KCNH8: variants seen among roughly 807,000 people sequenced by gnomAD.
KCNH8 encodes voltage-gated delayed rectifier potassium channel KCNH8.
KCNH8 carries 70 observed loss-of-function variants against 103.6 expected under a neutral mutation model. The observed-to-expected ratio is 0.68, with a 90% CI of 0.56 to 0.82. The LOEUF is 0.82. Among genes scored for constraint, KCNH8 ranks in the 40% least tolerant of loss-of-function variants. The pLI is 0.00. For missense variants in KCNH8, 1,217 were observed against 1,329.9 expected (o/e 0.92, Z 1.32); for synonymous variants, 498 against 489.4 (o/e 1.02, Z -0.23).
At chr3:19,322,645 T>G (rs991294669) in intron 3 of KCNH8, among the ~76,000 whole-genome samples, 1 of 152,226 alleles carries the variant, frequency 6.6e-6, no homozygotes, top group African/African-American at 2.4e-5. Context: ...TGTCTTGACT[T>G]TAGATAACTT....
chr3:19,299,488 CA>C (rs1239717731), intron 3 of KCNH8, among the ~76,000 whole-genome samples: 1 of 152,010 alleles, frequency 6.6e-6, no homozygotes, highest in African/African-American at 2.4e-5. Flanking sequence ...ACAACAGCAA[CA>C]AAAAGTGTCT....
intron 7 of KCNH8, among the ~76,000 whole-genome samples, chr3:19,430,370 C>G (rs1375547071): frequency 1.3e-5 from 2 of 151,868 alleles, no homozygotes; most frequent in Non-Finnish European, 2.9e-5. Flanking sequence ...GTTACTGTAG[C>G]CTGGTAGTAT....
intron 7 of KCNH8, among the ~76,000 whole-genome samples, chr3:19,428,341 CG>C (rs1161873351): frequency 6.6e-6 from 1 of 152,124 alleles, no homozygotes; most frequent in African/African-American, 2.4e-5. Context: ...TTAATGACTT[CG>C]GTACCTCATA....
chr3:19,420,413 A>T (rs1266657473), intron 7 of KCNH8, among the ~76,000 whole-genome samples: 2 of 152,166 alleles, frequency 1.3e-5, no homozygotes, highest in Non-Finnish European at 2.9e-5. Flanking sequence ...CCTGAAATGG[A>T]ATTCTGTCAA....
rs374203076 is a variant in KCNH8 at position 19,157,587 on chromosome 3, A to G, written c.76+8792A>G. Among the ~76,000 whole-genome samples, 4 of 152,192 alleles carry G rather than the reference A, an allele frequency of 2.6e-5. No homozygotes were observed. In the East Asian group the frequency reaches 5.8e-4, roughly 22 times the overall value. ...AAAGTTATAAAATTATTTGGTAGAT[A>G]TTAATAATGGCTAATATTTGTATAG... On this transcript the variant is annotated intron_variant, in intron 1 of 15. Transcript: ENST00000328405.
chr3:19,175,649 A>G (rs1316300391), intron 1 of KCNH8, among the ~76,000 whole-genome samples: 3 of 152,072 alleles, frequency 2.0e-5, no homozygotes, highest in Non-Finnish European at 2.9e-5. Flanking sequence ...TTTCCTATAA[A>G]CTCTACAAAG....
intron 1 of KCNH8, among the ~76,000 whole-genome samples, chr3:19,220,583 G>A (rs2063863803): frequency 6.8e-6 from 1 of 146,680 alleles, no homozygotes; most frequent in Non-Finnish European, 1.5e-5. Flanking sequence ...TGGGAAACAT[G>A]ACACTGATTT....
intron 3 of KCNH8, among the ~76,000 whole-genome samples, chr3:19,282,147 T>A (rs889976246): frequency 3.9e-5 from 6 of 152,138 alleles, no homozygotes; most frequent in East Asian, 1.9e-4. Flanking sequence ...AGCTCTTTTT[T>A]AAAATGTGTG....
At chr3:19,496,268 G>C (rs1357423166) in intron 11 of KCNH8, among the ~76,000 whole-genome samples, 2 of 152,106 alleles carry the variant, frequency 1.3e-5, no homozygotes, top group Non-Finnish European at 2.9e-5. Flanking sequence ...TCCCTGTCTT[G>C]CTCTGGTTTT....
chr3:19,476,126 G>A (rs1291018996), intron 11 of KCNH8, among the ~76,000 whole-genome samples: 1 of 152,140 alleles, frequency 6.6e-6, no homozygotes, highest in East Asian at 1.9e-4. Context: ...TAGTCATGTG[G>A]AGGATGCATA....
intron 15 of KCNH8, among the ~76,000 whole-genome samples, chr3:19,523,120 G>A (rs1449431388): frequency 6.6e-6 from 1 of 151,736 alleles, no homozygotes; most frequent in East Asian, 1.9e-4. Flanking sequence ...ATCAACTTGG[G>A]CTCTAGCATT....
At chr3:19,513,879 T>C (rs961592334) in intron 13 of KCNH8, among the ~76,000 whole-genome samples, 7 of 152,178 alleles carry the variant, frequency 4.6e-5, no homozygotes, top group Admixed American at 3.3e-4. Flanking sequence ...CTAAAGGTGA[T>C]TGAAAGCGTG....
chr3:19,369,054 G>A (rs1468425212), intron 5 of KCNH8, among the ~76,000 whole-genome samples: 1 of 151,756 alleles, frequency 6.6e-6, no homozygotes, highest in Non-Finnish European at 1.5e-5. Flanking sequence ...CTTAGTTTAT[G>A]GATACAGAAA....
intron 3 of KCNH8, among the ~76,000 whole-genome samples, chr3:19,290,110 T>G (rs1177015620): frequency 6.6e-6 from 1 of 152,174 alleles, no homozygotes; most frequent in African/African-American, 2.4e-5. Flanking sequence ...TCCTGAGACT[T>G]TGCTGAAGTT....
At chr3:19,375,196 G>T (rs528988057) in intron 5 of KCNH8, among the ~76,000 whole-genome samples, 1 of 151,464 alleles carries the variant, frequency 6.6e-6, no homozygotes, top group Non-Finnish European at 1.5e-5. Context: ...TATCCTGCAG[G>T]GTGTTTTCCA....
At chr3:19,241,444 G>A (rs189577611) in intron 1 of KCNH8, among the ~76,000 whole-genome samples, 3 of 152,148 alleles carry the variant, frequency 2.0e-5, no homozygotes, top group Admixed American at 2.0e-4. Flanking sequence ...TACCTCATGT[G>A]TAGACTAGTG....
intron 7 of KCNH8, among the ~76,000 whole-genome samples, chr3:19,427,969 T>C (rs760946490): frequency 2.6e-5 from 4 of 152,166 alleles, no homozygotes; most frequent in Non-Finnish European, 4.4e-5. Context: ...CAGAAGTTCA[T>C]TAATATCAAA....
intron 1 of KCNH8, among the ~76,000 whole-genome samples, chr3:19,206,159 G>GGTGTGTGTGTGTGTGTGT (rs546354220): frequency 1.4e-5 from 2 of 138,392 alleles, no homozygotes; most frequent in African/African-American, 6.2e-5. Context: ...ATATATTAAT[G>GGTGTGTGTGTGTGTGTGT]GTGTGTGTGT....
chr3:19,369,300 G>C (rs2066054916), intron 5 of KCNH8, among the ~76,000 whole-genome samples: 1 of 151,710 alleles, frequency 6.6e-6, no homozygotes, highest in Admixed American at 6.6e-5. Flanking sequence ...TTTGATACTG[G>C]TGACCCCTCC....
Sources: allele counts gnomAD v4.1 joint callset (sites outside exome capture counted in the v4.1 genomes callset), GRCh38; gene constraint gnomAD v4.1.1; transcripts MANE v1.5; gene names NCBI Gene and HGNC (gene_info 2026-07-23, HGNC 2026-07-21).